The following NACAD variants were observed in gnomAD, a reference collection of about 807,000 sequenced individuals.
The protein encoded by NACAD is NAC alpha domain containing, also known as NAC-alpha domain-containing protein 1.
In NACAD, 47 loss-of-function variants were observed where a neutral mutation model predicts 98.9. The ratio of observed to expected loss-of-function variants is 0.48; its 90% confidence interval spans 0.38 to 0.61. The LOEUF is 0.61. NACAD is among the 20% of genes least tolerant of loss of function. The pLI, the probability that NACAD is intolerant of heterozygous loss-of-function variation, is 0.00. For missense variants in NACAD, 1,412 were observed against 1,748.2 expected, an observed-to-expected ratio of 0.81 and a Z score of 3.43; for synonymous variants, 696 against 767.2, an observed-to-expected ratio of 0.91 and a Z score of 1.53.
Position 45,082,275 on chromosome 7 carries a change from T to C in NACAD, c.3905A>G (p.His1302Arg). The C allele has an allele frequency of 6.5e-7, 1 of 1,550,150 alleles. No homozygotes were observed. Among genetic ancestry groups the C allele is most frequent in the Non-Finnish European group, 8.7e-7 (1 of 1,146,832 alleles). The part of the protein sequence containing the change: ...GTGPRVSLSP[H>R]SPLLSPKVAS... ...CACCTTGGGGCTGAGGAGTGGGGAG[T>C]GAGGCGAGAGGCTGACTCGCGGCCC... The change falls in exon 2 of 8, where the codon CAC (histidine) becomes CGC (arginine). Residue 1302 changes from histidine (H) to arginine (R), a missense_variant. His to Arg is a conservative substitution (Grantham distance 29). Coordinates refer to ENST00000490531, the MANE Select transcript of NACAD (RefSeq NM_001146334.2). This position sits in a 1 kb window ranked among gnomAD's most constrained non-coding sequence, Gnocchi z 4.5.
chr7:45,088,820 G>A lies in NACAD; in HGVS notation c.67+8C>T. On this transcript the variant is annotated splice_region_variant and intron_variant, in intron 1 of 7. Transcript: ENST00000490531. The surrounding 1 kb of genome is among the most constrained non-coding windows in gnomAD (Gnocchi z 5.7). ...CTGAAGGCAGGGAAAGAGTGGCCACGGCCTCACCTGTGCGGGGCCCGGGTC... is the reference window on the plus strand; with the variant it reads ...CTGAAGGCAGGGAAAGAGTGGCCACAGCCTCACCTGTGCGGGGCCCGGGTC... 3.4e-6 allele frequency: 5 copies of A among 1,489,554 alleles called. No individual in the cohort carries two copies. Among genetic ancestry groups the A allele is most frequent in the Non-Finnish European group, 4.4e-6 (5 of 1,124,636 alleles). 92.3% of individuals were successfully genotyped at this position (1,489,554 alleles called of 1,614,324 possible). A position where few individuals can be genotyped will look rare whatever the true frequency, so the allele number is the denominator to read the frequency against.
Position 45,082,011 on chromosome 7 carries a change from C to T in NACAD, c.4072+97G>A. On this transcript the variant is annotated intron_variant, in intron 2 of 7. Coordinates refer to ENST00000490531, the MANE Select transcript of NACAD (RefSeq NM_001146334.2). The surrounding 1 kb of genome is among the most constrained non-coding windows in gnomAD (Gnocchi z 4.5). ...GTGGCTGTGGGGTCTGGGCCCCCCA[C>T]CTCGCCACCTCAGAGGCCCTCCAGC... 2 of 1,459,822 alleles carry T rather than the reference C, an allele frequency of 1.4e-6. No homozygotes were observed. Among genetic ancestry groups the T allele is most frequent in the Non-Finnish European group, 1.8e-6 (2 of 1,101,324 alleles). 90.4% of individuals were successfully genotyped at this position (1,459,822 alleles called of 1,614,324 possible).
Position 45,088,792 on chromosome 7 carries a change from A to T in NACAD, c.67+36T>A. Reference sequence around the variant, plus strand: ...AGAGAACCCGGGCTGGAGAGGGGAGAGGCTGAAGGCAGGGAAAGAGTGGCC... The same window carrying T: ...AGAGAACCCGGGCTGGAGAGGGGAGTGGCTGAAGGCAGGGAAAGAGTGGCC... On this transcript the variant is annotated intron_variant, in intron 1 of 7. Coordinates refer to ENST00000490531, the MANE Select transcript of NACAD (RefSeq NM_001146334.2). The surrounding 1 kb of genome is among the most constrained non-coding windows in gnomAD (Gnocchi z 5.7). 1 of 1,460,068 alleles carries T rather than the reference A, an allele frequency of 6.8e-7. No individual in the cohort carries two copies. 90.4% of individuals were successfully genotyped at this position (1,460,068 alleles called of 1,614,324 possible). A position where few individuals can be genotyped will look rare whatever the true frequency, so the allele number is the denominator to read the frequency against.
rs1784431809 is a variant in NACAD at position 45,081,673 on chromosome 7, C to T, written c.4186-1G>A. ...TCTCCTCACTGCCGCCTGCTGGGGCCTGAGAAAAGGTGAGGGCTGAGCATC... is the reference window on the plus strand; with the variant it reads ...TCTCCTCACTGCCGCCTGCTGGGGCTTGAGAAAAGGTGAGGGCTGAGCATC... On this transcript the variant is annotated splice_acceptor_variant, in intron 3 of 7. Coordinates refer to ENST00000490531, the MANE Select transcript of NACAD (RefSeq NM_001146334.2). LOFTEE classifies it high-confidence loss of function. 6.4e-7 allele frequency: 1 copy of T among 1,551,320 alleles called. No individual in the cohort carries two copies.
chr7:45,086,170 A>G, intron 1 of NACAD, 58 bp from the exon 2 acceptor site: 1 of 1,498,152 alleles, frequency 6.7e-7, no homozygotes, highest in Non-Finnish European at 8.9e-7. Flanking sequence ...GGCAAGGGCC[A>G]GGCCCGGGGA....
At chr7:45,081,077 T>A in intron 5 of NACAD, 40 bp downstream of exon 5, 1 of 1,550,750 alleles carries the variant, frequency 6.4e-7, no homozygotes, top group Admixed American at 2.0e-5. Flanking sequence ...TTGTCCCCTA[T>A]CCCTCGGATC....
At position 45,081,803 on chromosome 7, in the gene NACAD, C is replaced by T. The variant is rs761962384; in HGVS notation, c.4137G>A (p.Leu1379=). The T allele has an allele frequency of 3.2e-6, 5 of 1,550,616 alleles. No individual in the cohort carries two copies. Among genetic ancestry groups the T allele is most frequent in the Middle Eastern group, 1.7e-4 (1 of 5,802 alleles). ...SDSHGESSAE[L]DEQDILAPQT... is the part of the protein sequence containing the mutation. ...GAGGAGCCAAGATGTCCTGCTCGTC[C>T]AGCTCGGCTGATGACTCCCCGTGGC... Residue 1379 remains leucine, a synonymous_variant, in exon 3 of 8, where the codon CTG becomes CTA. Coordinates refer to ENST00000490531, the MANE Select transcript of NACAD (RefSeq NM_001146334.2).
At chr7:45,081,990 C>T in intron 2 of NACAD, 118 bp downstream of exon 2, 1 of 1,441,336 alleles carries the variant, frequency 6.9e-7, no homozygotes, top group Non-Finnish European at 9.3e-7. Context: ...TCCATGGTGG[C>T]TGTGGGGTCT....
chr7:45,081,490 G>A (rs1784429368), intron 4 of NACAD, 111 bp downstream of exon 4: 1 of 1,391,944 alleles, frequency 7.2e-7, no homozygotes. Flanking sequence ...GGACCCAAAG[G>A]TCCCCTGATG....
At position 45,082,963 on chromosome 7, in the gene NACAD, T is replaced by G. The variant is rs1584010306; in HGVS notation, c.3217A>C (p.Thr1073Pro). 6.4e-7 allele frequency: 1 copy of G among 1,550,936 alleles called. No individual in the cohort carries two copies. Among genetic ancestry groups the G allele is most frequent in the Non-Finnish European group, 8.7e-7 (1 of 1,146,988 alleles). ...TCCTGCTGGTTCTCAACCTCCAGGG[T>G]CTCCTTTTGGGGTGAGTCAGGCTTA... ...GAKPDSPQKE[T>P]LEVENQQEGG... Residue 1073 changes from threonine (T) to proline (P), a missense_variant, in exon 2 of 8, where the codon ACC becomes CCC. Physicochemically the swap from Thr to Pro is conservative, Grantham distance 38. This residue lies in a region of NACAD where 572 missense variants were observed against 639.6 expected (regional missense o/e 0.89). Coordinates refer to ENST00000490531, the MANE Select transcript of NACAD (RefSeq NM_001146334.2). The surrounding 1 kb of genome is among the most constrained non-coding windows in gnomAD (Gnocchi z 4.5).
At position 45,088,762 on chromosome 7, in the gene NACAD, T is replaced by C. The variant is rs1234738957; in HGVS notation, c.67+66A>G. The C allele has an allele frequency of 1.5e-6, 2 of 1,364,084 alleles. No homozygotes were observed. The highest frequency in any genetic ancestry group is 3.0e-5 in the East Asian group (1 of 33,060). 84.5% of individuals were successfully genotyped at this position (1,364,084 alleles called of 1,614,324 possible). A position where few individuals can be genotyped will look rare whatever the true frequency, so the allele number is the denominator to read the frequency against. On this transcript the variant is annotated intron_variant, in intron 1 of 7. Coordinates refer to ENST00000490531, the MANE Select transcript of NACAD (RefSeq NM_001146334.2). This position sits in a 1 kb window ranked among gnomAD's most constrained non-coding sequence, Gnocchi z 5.7. ...GGGGAGAGGGGTGAAAGGTGAGCGA[T>C]GGAAAGAGAACCCGGGCTGGAGAGG...
rs548119377 is a variant in NACAD, at chr7:45,083,211, G to A, written c.2969C>T (p.Pro990Leu). The change falls in exon 2 of 8, where the codon CCG (proline) becomes CTG (leucine). Residue 990 changes from proline (P) to leucine (L), a missense_variant. Pro to Leu is a moderately conservative substitution (Grantham distance 98, BLOSUM62 -3). Around this residue, in one of 5 missense-constraint regions of NACAD, gnomAD observed 572 missense variants for 639.6 expected, o/e 0.89. Transcript: ENST00000490531. ...GACCTGGTCCAAGGCTGCAGGCTCC[G>A]GGACTGTAGGGAGGGCTGCATTCTT... ...EEKNAALPTV[P>L]EPAALDQVQQ... The A allele has an allele frequency of 7.7e-6, 12 of 1,550,874 alleles. No individual in the cohort carries two copies. Among genetic ancestry groups the A allele is most frequent in the East Asian group, 4.9e-5 (2 of 40,910 alleles).
In NACAD at chr7:45,082,539, T is replaced by A. The variant is rs769731767; in HGVS notation, c.3641A>T (p.Lys1214Met). 2 of 1,548,762 alleles carry A rather than the reference T, an allele frequency of 1.3e-6. No individual in the cohort carries two copies. Among genetic ancestry groups the A allele is most frequent in the African/African-American group, 2.7e-5 (2 of 72,978 alleles). The change falls in exon 2 of 8, where the codon AAG becomes ATG. Residue 1214 changes from lysine (K) to methionine (M), a missense_variant. This residue lies in a region of NACAD where 572 missense variants were observed against 639.6 expected (regional missense o/e 0.89). Transcript: ENST00000490531. This position sits in a 1 kb window ranked among gnomAD's most constrained non-coding sequence, Gnocchi z 4.5. ...GTCCACGGGCGTGCTGGGCTGACCC[T>A]TGGCAAGGTTTTCTGGGGGCTGCAG... is the stretch of plus-strand genomic sequence containing the variant. ...PLLQPPENLA[K>M]GQPSTPVDRP...
rs1584011685 is a variant in NACAD, at chr7:45,084,350, G to A, written c.1830C>T (p.Asp610=). The change falls in exon 2 of 8, where the codon GAC becomes GAT. Residue 610 remains aspartate (D), a synonymous_variant. Transcript: ENST00000490531. ...SAMTPPLPLQ[D]TDLSSAPKPV... ...GCTTTGGGGCTGATGAGAGATCTGT[G>A]TCTTGTAGGGGCAGAGGCGGTGTCA... 2 of 1,420,604 alleles carry A rather than the reference G, an allele frequency of 1.4e-6. No individual in the cohort carries two copies. Among genetic ancestry groups the A allele is most frequent in the East Asian group, 5.1e-5 (2 of 38,998 alleles). 88.0% of individuals were successfully genotyped at this position (1,420,604 alleles called of 1,614,324 possible).
rs776930462 is a variant in NACAD at position 45,084,708 on chromosome 7, G to A, written c.1472C>T (p.Ala491Val). The A allele has an allele frequency of 1.3e-6, 2 of 1,550,994 alleles. No individual in the cohort carries two copies. The highest frequency in any genetic ancestry group is 2.4e-5 in the South Asian group (2 of 83,976). Residue 491 changes from alanine (A) to valine (V), a missense_variant, in exon 2 of 8, where the codon GCC (alanine) becomes GTC (valine). Physicochemically the swap from Ala to Val is moderately conservative, Grantham distance 64 (BLOSUM62 0). Transcript: ENST00000490531. ...ATVTPHTLQV[A>V]PGLQVEVATR... ...AGCCACCTCCACCTGGAGGCCTGGG[G>A]CTACCTGCAGAGTGTGAGGGGTCAC...
chr7:45,088,384 C>T lies in NACAD; in HGVS notation c.67+444G>A, dbSNP rs1413834597. 6.6e-6 allele frequency among the ~76,000 whole-genome samples: 1 copy of T among 152,162 alleles called. No individual in the cohort carries two copies. Among genetic ancestry groups the T allele is most frequent in the Non-Finnish European group, 1.5e-5 (1 of 68,034 alleles). On this transcript the variant is annotated intron_variant, in intron 1 of 7. Coordinates refer to ENST00000490531, the MANE Select transcript of NACAD (RefSeq NM_001146334.2). This position sits in a 1 kb window ranked among gnomAD's most constrained non-coding sequence, Gnocchi z 5.7. ...TCCCTCCAGAGCCATGACCAGTCGCCGGCCCAGGACAGACCGGGTGCAACT... is the reference window on the plus strand; with the variant it reads ...TCCCTCCAGAGCCATGACCAGTCGCTGGCCCAGGACAGACCGGGTGCAACT...
chr7:45,085,661 G>C lies in NACAD; in HGVS notation c.519C>G (p.Phe173Leu). The C allele has an allele frequency of 6.5e-7, 1 of 1,548,540 alleles. No individual in the cohort carries two copies. The highest frequency in any genetic ancestry group is 1.7e-4 in the Middle Eastern group (1 of 5,968). The change falls in exon 2 of 8, where the codon TTC (phenylalanine) becomes TTG (leucine). Residue 173 changes from phenylalanine to leucine, a missense_variant. Physicochemically the swap from Phe to Leu is conservative, Grantham distance 22. Transcript: ENST00000490531. This position sits in a 1 kb window ranked among gnomAD's most constrained non-coding sequence, Gnocchi z 6.1. ...VPSPPPDPDS[F>L]FTPPSTPTKT... ...TGGTGGGGGTGGAGGGAGGCGTGAA[G>C]AAGGAATCAGGGTCTGGGGGAGGGG...
At chr7:45,081,890 G>A in intron 2 of NACAD, 23 bp from the exon 3 acceptor site, 1 of 1,538,938 alleles carries the variant, frequency 6.5e-7, no homozygotes, top group Non-Finnish European at 8.7e-7. Flanking sequence ...AGAGGTGTGA[G>A]GATGGCCTTT....
At chr7:45,081,527 T>C (rs776310654) in intron 4 of NACAD, 74 bp downstream of exon 4, 3 of 1,521,078 alleles carry the variant, frequency 2.0e-6, no homozygotes, top group Non-Finnish European at 2.7e-6. Context: ...CCATGGAGTG[T>C]GAGGGTCTTG....
Sources: allele counts gnomAD v4.1 joint callset (sites outside exome capture counted in the v4.1 genomes callset), GRCh38; gene constraint gnomAD v4.1.1; regional missense constraint gnomAD v4.1.1; non-coding constraint Gnocchi (gnomAD v3.1); transcripts MANE v1.5; gene names NCBI Gene and HGNC (gene_info 2026-07-23, HGNC 2026-07-21).